Variants in VPS13B observed in about 807,000 individuals in gnomAD.
VPS13B encodes the protein vacuolar protein sorting 13 homolog B.
VPS13B carries 285 observed loss-of-function variants against 426.4 expected under a neutral mutation model. That is an observed-to-expected ratio of 0.67 (90% CI 0.61 to 0.74). The LOEUF is 0.74. Ranked by LOEUF, VPS13B falls within the 30% of genes least tolerant of loss-of-function variation. The pLI is 0.00. For missense variants in VPS13B, 4,537 were observed against 4,782.6 expected (o/e 0.95, Z 1.51); for synonymous variants, 1,676 against 1,676.4 (o/e 1.00, Z 0.01).
intron 19 of VPS13B, among the ~76,000 whole-genome samples, chr8:99,371,867 T>A (rs556262286): frequency 7.9e-5 from 12 of 152,154 alleles, no homozygotes; most frequent in African/African-American, 2.9e-4. Context: ...AAAAATTAAC[T>A]CAAGATGGAT....
intron 16 of VPS13B, among the ~76,000 whole-genome samples, chr8:99,192,043 T>A (rs73285919): frequency 0.019 from 2,846 of 152,308 alleles, 64 homozygotes; most frequent in African/African-American, 0.059. Flanking sequence ...TGATTTTTTT[T>A]AATCTATTTT....
At chr8:99,056,572 G>T (rs915656412) in intron 3 of VPS13B, among the ~76,000 whole-genome samples, 1 of 152,132 alleles carries the variant, frequency 6.6e-6, no homozygotes, top group Admixed American at 6.5e-5. Context: ...AATAGCAGTG[G>T]TGAAAATGGG....
At chr8:99,670,753 G>T (rs1207126065) in intron 35 of VPS13B, among the ~76,000 whole-genome samples, 1 of 151,998 alleles carries the variant, frequency 6.6e-6, no homozygotes, top group African/African-American at 2.4e-5. Flanking sequence ...TTTCTGTTTG[G>T]TTTATTTCAT....
At chr8:99,588,673 G>A (rs1826436782) in intron 33 of VPS13B, among the ~76,000 whole-genome samples, 1 of 151,730 alleles carries the variant, frequency 6.6e-6, no homozygotes, top group African/African-American at 2.4e-5. Flanking sequence ...TGTATCCTGA[G>A]ACTTTGCTGA....
intron 17 of VPS13B, 128 bp downstream of exon 17, chr8:99,193,185 AT>A: frequency 1.1e-6 from 1 of 951,178 alleles, no homozygotes; most frequent in Non-Finnish European, 1.6e-6. Context: ...GAATGTAGAT[AT>A]TTATAGCTTA....
intron 2 of VPS13B, among the ~76,000 whole-genome samples, chr8:99,017,367 A>G (rs1841675916): frequency 6.6e-6 from 1 of 152,162 alleles, no homozygotes; most frequent in Admixed American, 6.5e-5. Context: ...GTCACTCCAT[A>G]TGGTTACTGT....
intron 2 of VPS13B, among the ~76,000 whole-genome samples, chr8:99,037,439 A>G (rs1015966387): frequency 6.6e-6 from 1 of 152,154 alleles, no homozygotes. Context: ...TTTACAGATA[A>G]TGAAACTGAG....
At chr8:99,342,322 T>C (rs1289649881) in intron 19 of VPS13B, among the ~76,000 whole-genome samples, 1 of 152,214 alleles carries the variant, frequency 6.6e-6, no homozygotes, top group African/African-American at 2.4e-5. Flanking sequence ...GTCACTTTAT[T>C]GTACAATAGA....
intron 2 of VPS13B, among the ~76,000 whole-genome samples, chr8:99,026,818 A>T (rs1754259190): frequency 6.6e-6 from 1 of 151,746 alleles, no homozygotes; most frequent in Non-Finnish European, 1.5e-5. Flanking sequence ...GTTTATGTGT[A>T]TGTTTACAGA....
chr8:99,708,248 C>A (rs78118435), intron 36 of VPS13B, among the ~76,000 whole-genome samples: 3,039 of 152,034 alleles, frequency 0.02, 111 homozygotes, highest in African/African-American at 0.07. Flanking sequence ...CTGTAAAAAC[C>A]GTGAGCATGG....
intron 3 of VPS13B, among the ~76,000 whole-genome samples, chr8:99,054,067 A>T (rs771116706): frequency 3.7e-4 from 57 of 152,114 alleles, no homozygotes; most frequent in Non-Finnish European, 6.9e-4. Flanking sequence ...CATTTGGTTT[A>T]TTCATTCACC....
intron 21 of VPS13B, among the ~76,000 whole-genome samples, chr8:99,422,985 A>T (rs758361471): frequency 6.6e-6 from 1 of 152,226 alleles, no homozygotes; most frequent in Non-Finnish European, 1.5e-5. Flanking sequence ...GCCTTTAGTC[A>T]TACCTGTAAT....
chr8:99,783,255 A>G (rs547521832), intron 42 of VPS13B, among the ~76,000 whole-genome samples: 97 of 152,186 alleles, frequency 6.4e-4, no homozygotes, highest in Non-Finnish European at 1.1e-3. Context: ...ACTTCTCAGT[A>G]AAGTGGCAAA....
chr8:99,177,586 C>T (rs1588115954), intron 16 of VPS13B, among the ~76,000 whole-genome samples: 1 of 152,094 alleles, frequency 6.6e-6, no homozygotes, highest in Non-Finnish European at 1.5e-5. Context: ...CCAATGAGAA[C>T]AGAAAGTTTC....
chr8:99,718,210 G>A (rs988435249), intron 37 of VPS13B, among the ~76,000 whole-genome samples: 22 of 151,826 alleles, frequency 1.4e-4, no homozygotes, highest in Non-Finnish European at 2.2e-4. Flanking sequence ...CTCCTGAGTG[G>A]GTAGAACTAT....
intron 21 of VPS13B, among the ~76,000 whole-genome samples, chr8:99,403,571 A>T (rs1815167115): frequency 6.6e-6 from 1 of 151,356 alleles, no homozygotes; most frequent in African/African-American, 2.4e-5. Context: ...AAAAAAATGT[A>T]ATTGAAGAGG....
chr8:99,708,205 A>C (rs1273984893), intron 36 of VPS13B, among the ~76,000 whole-genome samples: 3 of 152,100 alleles, frequency 2.0e-5, no homozygotes, highest in Non-Finnish European at 4.4e-5. Flanking sequence ...ACATGATCCA[A>C]TCAAGTTATA....
intron 19 of VPS13B, among the ~76,000 whole-genome samples, chr8:99,308,287 G>A (rs528399422): frequency 7.9e-5 from 12 of 151,646 alleles, no homozygotes; most frequent in South Asian, 2.1e-4. Flanking sequence ...CCATTAACTC[G>A]TCATTTACAT....
chr8:99,749,539 G>C (rs968336086), intron 39 of VPS13B, among the ~76,000 whole-genome samples: 1 of 151,728 alleles, frequency 6.6e-6, no homozygotes, highest in African/African-American at 2.4e-5. Flanking sequence ...AATGTCCTCC[G>C]GTTCCATCTA....
Sources: allele counts gnomAD v4.1 joint callset (sites outside exome capture counted in the v4.1 genomes callset), GRCh38; gene constraint gnomAD v4.1.1; transcripts MANE v1.5; gene names NCBI Gene and HGNC (gene_info 2026-07-23, HGNC 2026-07-21).